EFCAB8: variants seen among roughly 807,000 people sequenced by gnomAD.
EFCAB8 encodes EF-hand calcium-binding domain-containing protein 8.
A neutral mutation model predicts 116.3 loss-of-function variants in EFCAB8; 100 were observed. That is an observed-to-expected ratio of 0.86 (90% confidence interval 0.73 to 1.02). EFCAB8 has a LOEUF of 1.02. Ranked by LOEUF, EFCAB8 falls within the 50% of genes least tolerant of loss-of-function variation. The probability of loss-of-function intolerance (pLI) is 0.00; values close to 1 mark genes in which losing one functional copy is unlikely to be tolerated. For missense variants in EFCAB8, 1,320 were observed against 1,416.9 expected, an observed-to-expected ratio of 0.93 and a Z score of 1.10; for synonymous variants, 558 against 567.9, an observed-to-expected ratio of 0.98 and a Z score of 0.25.
chr20:32,876,113 G>GTGGGGCTGAAGA, intron 4 of EFCAB8, 69 bp downstream of exon 4: 1 of 1,358,400 alleles, frequency 7.4e-7, no homozygotes, highest in East Asian at 2.5e-5. Context: ...TGACCAGTTG[G>GTGGGGCTGAAGA]TGGGGCTGAA....
intron 23 of EFCAB8, among the ~76,000 whole-genome samples, chr20:32,954,618 T>C (rs1248784007): frequency 3.9e-5 from 6 of 152,228 alleles, no homozygotes; most frequent in Non-Finnish European, 8.8e-5. Context: ...GATATTCTCT[T>C]AGATTTCCCT....
At chr20:32,897,370 T>C (rs558597078) in intron 10 of EFCAB8, among the ~76,000 whole-genome samples, 1 of 152,178 alleles carries the variant, frequency 6.6e-6, no homozygotes, top group East Asian at 1.9e-4. Flanking sequence ...CCCAATACAT[T>C]TGCTGCACAA....
chr20:32,866,327 C>T (rs1010741838), intron 2 of EFCAB8, among the ~76,000 whole-genome samples: 1 of 152,232 alleles, frequency 6.6e-6, no homozygotes. Context: ...TTCCCAAGGC[C>T]CAAAGCAATG....
intron 22 of EFCAB8, among the ~76,000 whole-genome samples, chr20:32,936,676 AT>A (rs1173442674): frequency 6.6e-6 from 1 of 152,166 alleles, no homozygotes; most frequent in Non-Finnish European, 1.5e-5. Context: ...CGATGTGTCT[AT>A]TTTTATGCCA....
intron 22 of EFCAB8, among the ~76,000 whole-genome samples, chr20:32,940,607 G>T (rs2146288628): frequency 6.7e-6 from 1 of 149,970 alleles, no homozygotes; most frequent in South Asian, 2.1e-4. Flanking sequence ...CTTTTGGGCT[G>T]CAAAGGATAC....
chr20:32,956,219 C>A (rs952309626), intron 23 of EFCAB8, among the ~76,000 whole-genome samples: 1 of 151,948 alleles, frequency 6.6e-6, no homozygotes, highest in African/African-American at 2.4e-5. Flanking sequence ...TACATCCCTC[C>A]CATGTTTATG....
chr20:32,952,547 A>G (rs1988833552), intron 23 of EFCAB8, among the ~76,000 whole-genome samples: 4 of 152,116 alleles, frequency 2.6e-5, no homozygotes, highest in African/African-American at 7.2e-5. Flanking sequence ...TCAATTTGTT[A>G]TTGGCCACTC....
At chr20:32,924,505 G>A (rs1389651864) in intron 20 of EFCAB8, among the ~76,000 whole-genome samples, 1 of 152,192 alleles carries the variant, frequency 6.6e-6, no homozygotes, top group Non-Finnish European at 1.5e-5. Flanking sequence ...TGAAAAGAAT[G>A]TACTATTATT....
chr20:32,889,955 C>T (rs149998245), intron 7 of EFCAB8, among the ~76,000 whole-genome samples: 376 of 148,630 alleles, frequency 2.5e-3, no homozygotes, highest in African/African-American at 8.7e-3. Context: ...AAGCTGAGAT[C>T]GCGCCATTGC....
At chr20:32,918,995 C>CCAGACA (rs1420711091) in intron 19 of EFCAB8, among the ~76,000 whole-genome samples, 1 of 152,148 alleles carries the variant, frequency 6.6e-6, no homozygotes, top group East Asian at 1.9e-4. Flanking sequence ...AGTCTGAGAC[C>CCAGACA]CAGACACAGA....
intron 19 of EFCAB8, 39 bp downstream of exon 19, chr20:32,918,613 T>A: frequency 6.5e-7 from 1 of 1,540,588 alleles, no homozygotes; most frequent in Non-Finnish European, 8.8e-7. Flanking sequence ...ACCCTCACTC[T>A]CTAGCCGCCG....
chr20:32,943,552 C>T, intron 22 of EFCAB8, 84 bp from the exon 23 acceptor site: 1 of 416,196 alleles, frequency 2.4e-6, no homozygotes, highest in Non-Finnish European at 4.4e-6. Context: ...CAACTGGGCT[C>T]TGCTGCCTGC....
At chr20:32,916,692 A>T in intron 17 of EFCAB8, among the ~76,000 whole-genome samples, 1 of 152,226 alleles carries the variant, frequency 6.6e-6, no homozygotes, top group East Asian at 1.9e-4. Flanking sequence ...TTTGGAGAAT[A>T]TGAATATTCA....
chr20:32,895,541 T>G (rs1290281334), intron 9 of EFCAB8, among the ~76,000 whole-genome samples: 5 of 151,214 alleles, frequency 3.3e-5, no homozygotes, highest in Non-Finnish European at 7.4e-5. Flanking sequence ...CTCACTGTGT[T>G]GTCCAGACTG....
rs987756505 is a variant in EFCAB8, at chr20:32,939,077, CTTCT to C, written c.2791-4552_2791-4549del. On this transcript the variant is annotated intron_variant, in intron 22 of 26. Coordinates refer to ENST00000400522, the MANE Select transcript of EFCAB8 (RefSeq NM_001143967.2). ...TCTTTCTTTCTTTCTCTCTCCCCAA[CTTCT>C]TTCTTTTTTCTTTTCCTTCCTTCCT... 5.5e-5 allele frequency among the ~76,000 whole-genome samples: 7 copies of C among 128,416 alleles called. 1 individual carries two copies. Among genetic ancestry groups the C allele is most frequent in the African/African-American group, 1.5e-4 (5 of 34,122 alleles). The allele number at this position is 128,416 out of a possible 152,430, so 84.2% of individuals were successfully genotyped here. A position where few individuals can be genotyped will look rare whatever the true frequency, so the allele number is the denominator to read the frequency against.
Position 32,958,424 on chromosome 20 carries a change from C to T in EFCAB8, c.2963C>T (p.Thr988Met), listed in dbSNP as rs1448646767. 1.4e-5 allele frequency: 6 copies of T among 416,670 alleles called. No homozygotes were observed. Among genetic ancestry groups the T allele is most frequent in the Non-Finnish European group, 2.7e-5 (6 of 226,380 alleles). The allele number at this position is 416,670 out of a possible 1,614,324, so 25.8% of individuals were successfully genotyped here. A position where few individuals can be genotyped will look rare whatever the true frequency, so the allele number is the denominator to read the frequency against. Residue 988 changes from threonine to methionine, a missense_variant, in exon 24 of 27, where the codon ACG (threonine) becomes ATG (methionine). Thr to Met is a moderately conservative substitution (Grantham distance 81). Transcript: ENST00000400522. ...AWKLSGDAIG[T>M]FGLSVWKRLQ... ...GAGCAGTCTGGTCAAATCACAGGAA[C>T]GTTTGGCCTGAGTGTGTGGAAAAGA...
chr20:32,877,248 G>T (rs1393733345), intron 4 of EFCAB8, among the ~76,000 whole-genome samples: 5 of 121,412 alleles, frequency 4.1e-5, no homozygotes, highest in African/African-American at 1.5e-4. Flanking sequence ...TTGCTCTGTC[G>T]CCCAGGCTGG....
Position 32,885,400 on chromosome 20 carries a change from G to A in EFCAB8, c.432-105G>A, listed in dbSNP as rs117534457. The A allele has an allele frequency of 5.0e-3, 7,297 of 1,457,784 alleles. 22 individuals are homozygous for A. Among genetic ancestry groups the A allele is most frequent in the Non-Finnish European group, 6.2e-3 (6,721 of 1,085,112 alleles). 90.3% of individuals were successfully genotyped at this position (1,457,784 alleles called of 1,614,324 possible). ...TGTGCGTGCGTGTGCGTGACGCTCCGCCGGCTTTTGTCCCTCCTCCTCGGT... is the reference window on the plus strand; with the variant it reads ...TGTGCGTGCGTGTGCGTGACGCTCCACCGGCTTTTGTCCCTCCTCCTCGGT... On this transcript the variant is annotated intron_variant, in intron 5 of 26. Coordinates refer to ENST00000400522, the MANE Select transcript of EFCAB8 (RefSeq NM_001143967.2).
At chr20:32,881,755 C>T (rs563403533) in intron 5 of EFCAB8, among the ~76,000 whole-genome samples, 1 of 152,270 alleles carries the variant, frequency 6.6e-6, no homozygotes, top group South Asian at 2.1e-4. Context: ...TAGGGTTACA[C>T]GAGTTCCAAA....
Sources: allele counts gnomAD v4.1 joint callset (sites outside exome capture counted in the v4.1 genomes callset), GRCh38; gene constraint gnomAD v4.1.1; transcripts MANE v1.5; gene names NCBI Gene and HGNC (gene_info 2026-07-23, HGNC 2026-07-21).